The following FBN2 variants were observed in gnomAD, a reference collection of about 807,000 sequenced individuals.
The protein encoded by FBN2 is fibrillin-2.
Under a neutral mutation model 355.6 loss-of-function variants are expected in FBN2, and 105 were observed. The observed-to-expected ratio is 0.30, with a 90% CI of 0.25 to 0.35. The LOEUF is 0.35. Among genes scored for constraint, FBN2 ranks in the 10% least tolerant of loss-of-function variants. The probability of loss-of-function intolerance (pLI) is 1.00; values close to 1 mark genes in which losing one functional copy is unlikely to be tolerated. For synonymous variants in FBN2, 1,350 were observed against 1,301.2 expected, an observed-to-expected ratio of 1.04 and a Z score of -0.81; for missense variants, 3,280 against 3,758.7, an observed-to-expected ratio of 0.87 and a Z score of 3.33.
At chr5:128,425,682 GA>G (rs903399365) in intron 7 of FBN2, among the ~76,000 whole-genome samples, 16 of 151,984 alleles carry the variant, frequency 1.1e-4, no homozygotes, top group African/African-American at 3.9e-4. Context: ...GGCACCAAAT[GA>G]AAAAGAAATC....
intron 48 of FBN2, among the ~76,000 whole-genome samples, chr5:128,299,503 T>C (rs951317514): frequency 2.0e-5 from 3 of 151,406 alleles, no homozygotes; most frequent in Non-Finnish European, 4.4e-5. Flanking sequence ...CTCCGAGCCA[T>C]GTGCGGGATA....
intron 7 of FBN2, chr5:128,442,138 C>CA (rs1753938865): frequency 3.0e-6 from 1 of 329,992 alleles, no homozygotes; most frequent in Admixed American, 4.3e-5. Context: ...TCTCAAACAA[C>CA]AAAATGCTGT....
rs2126821408 is a variant in FBN2, at chr5:128,290,902, C to G, written c.6293-18G>C. 1.2e-6 allele frequency: 2 copies of G among 1,611,370 alleles called. No individual in the cohort carries two copies. Among genetic ancestry groups the G allele is most frequent in the East Asian group, 4.5e-5 (2 of 44,838 alleles). On this transcript the variant is annotated intron_variant, in intron 49 of 64. Transcript: ENST00000262464. ...GCGAGTATCTAATCAAAAAAGCAAA[C>G]ATTACAGATGGAATTATTTTGTAAC... is the stretch of plus-strand genomic sequence containing the variant.
At chr5:128,530,752 A>G (rs1174888644) in intron 2 of FBN2, 59 bp from the exon 3 acceptor site, 2 of 1,110,172 alleles carry the variant, frequency 1.8e-6, no homozygotes, top group Admixed American at 3.5e-5. Flanking sequence ...ATAGTTTACA[A>G]AACAAGAAAG....
Position 128,484,275 on chromosome 5 carries a change from A to G in FBN2, c.629-19354T>C, listed in dbSNP as rs139213953. Among the ~76,000 whole-genome samples, 572 of 152,346 alleles carry G rather than the reference A, an allele frequency of 3.8e-3. 4 individuals carry two copies. Among genetic ancestry groups the G allele is most frequent in the African/African-American group, 0.013 (526 of 41,578 alleles). On this transcript the variant is annotated intron_variant, in intron 5 of 64. Coordinates refer to ENST00000262464, the MANE Select transcript of FBN2 (RefSeq NM_001999.4). ...GAAATTAAATATTTGCTTCTGAGCA[A>G]AAGTCATAATAGAAGAGATTAGTAA...
At chr5:128,481,783 A>C (rs1261391709) in intron 5 of FBN2, among the ~76,000 whole-genome samples, 5 of 152,302 alleles carry the variant, frequency 3.3e-5, no homozygotes, top group African/African-American at 1.2e-4. Flanking sequence ...TGGAAAAAAA[A>C]CACTTTACTT....
intron 5 of FBN2, among the ~76,000 whole-genome samples, chr5:128,474,595 C>T (rs956572416): frequency 6.6e-6 from 1 of 152,188 alleles, no homozygotes; most frequent in Non-Finnish European, 1.5e-5. Context: ...ATGTTACACA[C>T]ACTTTGCTGA....
intron 5 of FBN2, among the ~76,000 whole-genome samples, chr5:128,469,211 C>T (rs970380487): frequency 2.0e-5 from 3 of 152,060 alleles, no homozygotes; most frequent in African/African-American, 7.2e-5. Flanking sequence ...ACAGAAAAGG[C>T]CAACGGGGCA....
At chr5:128,480,835 T>C (rs1009842630) in intron 5 of FBN2, among the ~76,000 whole-genome samples, 3 of 152,220 alleles carry the variant, frequency 2.0e-5, no homozygotes. Flanking sequence ...CACTTTCCTA[T>C]GCGTTATTTC....
At chr5:128,275,284 T>C (rs934053967) in intron 59 of FBN2, among the ~76,000 whole-genome samples, 9 of 152,270 alleles carry the variant, frequency 5.9e-5, no homozygotes, top group Admixed American at 3.3e-4. Flanking sequence ...CCACATAAGA[T>C]GTAGGCAAGA....
At chr5:128,447,011 A>C (rs905525641) in intron 6 of FBN2, among the ~76,000 whole-genome samples, 3 of 152,206 alleles carry the variant, frequency 2.0e-5, no homozygotes, top group Non-Finnish European at 4.4e-5. Flanking sequence ...TAAATTGTGA[A>C]GATTTCATGG....
chr5:128,278,666 A>G lies in FBN2; in HGVS notation c.7314T>C (p.Pro2438=). 6.2e-7 allele frequency: 1 copy of G among 1,614,096 alleles called. No individual in the cohort carries two copies. Among genetic ancestry groups the G allele is most frequent in the Non-Finnish European group, 8.5e-7 (1 of 1,179,992 alleles). The change falls in exon 57 of 65, where the codon CCT becomes CCC. Residue 2438 remains proline (P), a synonymous_variant. Coordinates refer to ENST00000262464, the MANE Select transcript of FBN2 (RefSeq NM_001999.4). ...PGTAQYKKIC[P]HGPGYTTDGR... ...CATCAGTTGTATATCCTGGGCCATG[A>G]GGACATATCTTTTTGTACTGGGCAG...
intron 6 of FBN2, among the ~76,000 whole-genome samples, chr5:128,455,833 G>A (rs1754368045): frequency 1.3e-5 from 2 of 151,462 alleles, no homozygotes; most frequent in South Asian, 2.1e-4. Flanking sequence ...CAAGCCACAG[G>A]GGACTACCAT....
At chr5:128,377,650 C>G in intron 13 of FBN2, 102 bp downstream of exon 13, 7 of 1,213,300 alleles carry the variant, frequency 5.8e-6, no homozygotes, top group Non-Finnish European at 4.9e-6. Context: ...CTGAAGATCT[C>G]ACATACGTGG....
rs537042683 is a variant in FBN2 at position 128,297,088 on chromosome 5, G to A, written c.6166+3729C>T. On this transcript the variant is annotated intron_variant, in intron 48 of 64. Coordinates refer to ENST00000262464, the MANE Select transcript of FBN2 (RefSeq NM_001999.4). ...ACATCTTTATTTCTGCCTTCATTTC[G>A]TTATGTACCCAGTAGTCATTCAGGA... Among the ~76,000 whole-genome samples the A allele has an allele frequency of 5.9e-5, 9 of 152,094 alleles. No homozygotes were observed. The South Asian group carries it at 8.4e-4, about 14-fold the overall frequency.
Position 128,263,415 on chromosome 5 carries a change from G to T in FBN2, c.8192+10C>A. On this transcript the variant is annotated intron_variant, in intron 63 of 64. Transcript: ENST00000262464. ...ATTCCTCTATGTGCTGAGGCTGAAG[G>T]CCGCCTTACCCTTGTCCCACTCTGT... 6.3e-7 allele frequency: 1 copy of T among 1,597,406 alleles called. No homozygotes were observed. Among genetic ancestry groups the T allele is most frequent in the South Asian group, 1.1e-5 (1 of 90,704 alleles).
intron 55 of FBN2, among the ~76,000 whole-genome samples, chr5:128,284,734 T>C (rs897362967): frequency 6.6e-6 from 1 of 152,228 alleles, no homozygotes; most frequent in Non-Finnish European, 1.5e-5. Flanking sequence ...GAATCTCTGA[T>C]AGTTGCTGCT....
intron 14 of FBN2, 137 bp from the exon 15 acceptor site, chr5:128,374,887 T>C (rs1752042407): frequency 1.1e-6 from 1 of 877,708 alleles, no homozygotes; most frequent in Non-Finnish European, 1.8e-6. Flanking sequence ...ATAAGTGTGG[T>C]AACAGGTATC....
Position 128,300,858 on chromosome 5 carries a change from A to C in FBN2, c.6125T>G (p.Ile2042Ser). Residue 2042 changes from isoleucine (I) to serine (S), a missense_variant, in exon 48 of 65, where the codon ATC becomes AGC. Ile to Ser is a moderately radical substitution (Grantham distance 142). This residue lies in a region of FBN2 where 2,284 missense variants were observed against 2,749.5 expected (regional missense o/e 0.83). Coordinates refer to ENST00000262464, the MANE Select transcript of FBN2 (RefSeq NM_001999.4). ...TTTTACTTCATACCCTGGGGGACAG[A>C]TGCATCTGAAGGATCCCTCCAAATT... ...CQNLEGSFRC[I>S]CPPGYEVKSE... is the part of the protein sequence containing the mutation. 6.2e-7 allele frequency: 1 copy of C among 1,614,058 alleles called. No individual in the cohort carries two copies. The highest frequency in any genetic ancestry group is 2.2e-5 in the East Asian group (1 of 44,866).
Sources: allele counts gnomAD v4.1 joint callset (sites outside exome capture counted in the v4.1 genomes callset), GRCh38; gene constraint gnomAD v4.1.1; regional missense constraint gnomAD v4.1.1; transcripts MANE v1.5; gene names NCBI Gene and HGNC (gene_info 2026-07-23, HGNC 2026-07-21).